Variants in MYO1H observed in about 807,000 individuals in gnomAD.
MYO1H encodes unconventional myosin-Ih.
A neutral mutation model predicts 149.3 loss-of-function variants in MYO1H; 118 were observed. The observed-to-expected ratio is 0.79, with a 90% confidence interval of 0.68 to 0.92. The LOEUF (loss-of-function observed/expected upper bound fraction) is 0.92. MYO1H is among the 40% of genes least tolerant of loss of function. The pLI, the probability that MYO1H is intolerant of heterozygous loss-of-function variation, is 0.00. For synonymous variants in MYO1H, 447 were observed against 465.2 expected, an observed-to-expected ratio of 0.96 and a Z score of 0.50; for missense variants, 1,212 against 1,280.7, an observed-to-expected ratio of 0.95 and a Z score of 0.82.
At chr12:109,446,441 CATTTAA>C in intron 31 of MYO1H, 2 of 985,386 alleles carry the variant, frequency 2.0e-6, no homozygotes, top group Non-Finnish European at 2.4e-6. Flanking sequence ...GTCTCATACA[CATTTAA>C]ATTTAAGTGG....
chr12:109,407,456 C>A (rs1239452463), intron 9 of MYO1H, among the ~76,000 whole-genome samples: 1 of 152,016 alleles, frequency 6.6e-6, no homozygotes, highest in Non-Finnish European at 1.5e-5. Context: ...AGCATGTATC[C>A]TTTGCCAGTC....
the MYO1H span, among the ~76,000 whole-genome samples, chr12:109,318,977 T>TTTTGTTTG: frequency 4.3e-5 from 6 of 138,174 alleles, no homozygotes; most frequent in African/African-American, 3.0e-5. Flanking sequence ...GTTTTGTTTT[T>TTTTGTTTG]TTTTTTTTTT....
At position 109,412,987 on chromosome 12, in the gene MYO1H, T is replaced by G. The variant is rs537127694; in HGVS notation, c.1502+1002T>G. Among the ~76,000 whole-genome samples the G allele has an allele frequency of 4.5e-3, 681 of 151,600 alleles. 4 individuals carry two copies. Among genetic ancestry groups the G allele is most frequent in the African/African-American group, 0.016 (644 of 41,244 alleles). ...GTTGTTGTTGTTGTTGTTGTTATTA[T>G]TATTATTTGAGACAGAGTCTTGCTC... On this transcript the variant is annotated intron_variant, in intron 14 of 31. Transcript: ENST00000310903.
chr12:109,358,682 C>G (rs149976372), intron 1 of MYO1H, among the ~76,000 whole-genome samples: 2 of 152,060 alleles, frequency 1.3e-5, no homozygotes, highest in African/African-American at 2.4e-5. Context: ...GCAAGCATCA[C>G]GAGATAGTGT....
chr12:109,443,172 G>GTATGTGTGTATATGTGTACGTA lies in MYO1H; in HGVS notation c.2689-310_2689-289dup, dbSNP rs1566045105. 2.1e-4 allele frequency among the ~76,000 whole-genome samples: 23 copies of GTATGTGTGTATATGTGTACGTA among 110,106 alleles called. 2 individuals carry two copies. The South Asian group carries it at 3.5e-3, about 17-fold the overall frequency. 72.2% of individuals were successfully genotyped at this position (110,106 alleles called of 152,430 possible). ...TACGTATGTGTGTGTATATGTGTAC[G>GTATGTGTGTATATGTGTACGTA]TATGTGTGTATATGTGTACGTATAT... is the stretch of plus-strand genomic sequence containing the variant. On this transcript the variant is annotated intron_variant, in intron 27 of 31. Coordinates refer to ENST00000310903, the Ensembl canonical transcript of MYO1H.
chr12:109,380,870 C>T (rs1472489591), intron 1 of MYO1H, among the ~76,000 whole-genome samples: 3 of 152,090 alleles, frequency 2.0e-5, no homozygotes, highest in Non-Finnish European at 2.9e-5. Flanking sequence ...CACTTGAACC[C>T]GGGAGGCAGA....
At chr12:109,313,261 A>G in the MYO1H span, among the ~76,000 whole-genome samples, 1 of 151,992 alleles carries the variant, frequency 6.6e-6, no homozygotes, top group African/African-American at 2.4e-5. Context: ...AAACAAACCA[A>G]AAAAAACCCC....
At chr12:109,442,054 A>G (rs1000179407) in intron 26 of MYO1H, among the ~76,000 whole-genome samples, 163 bp from the exon 27 acceptor site, 2 of 152,130 alleles carry the variant, frequency 1.3e-5, no homozygotes, top group South Asian at 4.1e-4. Context: ...CTCCAAAAAA[A>G]TAAGTCAAAG....
chr12:109,391,603 G>T (rs1869657279), intron 2 of MYO1H, among the ~76,000 whole-genome samples: 1 of 152,092 alleles, frequency 6.6e-6, no homozygotes, highest in Non-Finnish European at 1.5e-5. Context: ...TGGGTCAAAT[G>T]GTATTTCTGC....
At chr12:109,314,615 G>A in the MYO1H span, among the ~76,000 whole-genome samples, 2 of 151,992 alleles carry the variant, frequency 1.3e-5, no homozygotes, top group African/African-American at 4.8e-5. Context: ...GAGTGTTTCT[G>A]GACAAGTTAT....
At chr12:109,391,042 A>T (rs1005420267) in intron 2 of MYO1H, among the ~76,000 whole-genome samples, 1 of 152,168 alleles carries the variant, frequency 6.6e-6, no homozygotes, top group Non-Finnish European at 1.5e-5. Context: ...TTGTCCATTC[A>T]TGTGTAATAG....
At chr12:109,325,441 G>A in the MYO1H span, among the ~76,000 whole-genome samples, 3 of 152,140 alleles carry the variant, frequency 2.0e-5, no homozygotes. Context: ...AAATTAAGAT[G>A]ATTAAAGACT....
chr12:109,391,575 A>C (rs1045849063), intron 2 of MYO1H, among the ~76,000 whole-genome samples: 1 of 152,138 alleles, frequency 6.6e-6, no homozygotes, highest in Admixed American at 6.5e-5. Flanking sequence ...AGAATGATTT[A>C]TATTTCTTTG....
chr12:109,311,285 AAG>A, the MYO1H span, among the ~76,000 whole-genome samples: 1 of 152,160 alleles, frequency 6.6e-6, no homozygotes, highest in Non-Finnish European at 1.5e-5. Flanking sequence ...TCCCACTAAA[AAG>A]GAGTGGGGTG....
chr12:109,407,804 C>T lies in MYO1H; in HGVS notation c.1046C>T (p.Pro349Leu), dbSNP rs769756006. ...TGTCATTCTTTTCAGGTGATCTGCC[C>T]GTTGACACTAGAACTCTCTGTCTAC... is the stretch of plus-strand genomic sequence containing the variant. The change falls in exon 10 of 32, where the codon CCG becomes CTG. Residue 349 changes from proline to leucine, a missense_variant. Pro to Leu is a moderately conservative substitution (Grantham distance 98). Transcript: ENST00000310903. 14 of 1,613,532 alleles carry T rather than the reference C, an allele frequency of 8.7e-6. No individual in the cohort carries two copies. The East Asian group carries it at 8.9e-5, about 10-fold the overall frequency.
chr12:109,382,360 G>A (rs1271687740), intron 1 of MYO1H, among the ~76,000 whole-genome samples: 1 of 152,184 alleles, frequency 6.6e-6, no homozygotes. Flanking sequence ...CTACAAGACA[G>A]ATTGTCCAAT....
chr12:109,358,908 G>A (rs902417100), intron 1 of MYO1H, among the ~76,000 whole-genome samples: 2 of 147,762 alleles, frequency 1.4e-5, no homozygotes, highest in East Asian at 2.0e-4. Context: ...TTCCAATAGG[G>A]TTTTGGGCCT....
chr12:109,361,803 C>A (rs1410594477), intron 1 of MYO1H, among the ~76,000 whole-genome samples: 3 of 121,450 alleles, frequency 2.5e-5, no homozygotes, highest in African/African-American at 6.3e-5. Context: ...CAGAGCAAGA[C>A]CTTGTCTCAC....
rs1371078928 is a variant in MYO1H at position 109,406,466 on chromosome 12, TTAAAAAAAAA to T, written c.964-322_964-313del. Among the ~76,000 whole-genome samples the T allele has an allele frequency of 8.9e-4, 91 of 101,728 alleles. 1 individual carries two copies. The highest frequency in any genetic ancestry group is 2.4e-3 in the African/African-American group (70 of 28,596). 66.7% of individuals were successfully genotyped at this position (101,728 alleles called of 152,430 possible). A position where few individuals can be genotyped will look rare whatever the true frequency, so the allele number is the denominator to read the frequency against. On this transcript the variant is annotated intron_variant, in intron 8 of 31. Transcript: ENST00000310903. ...GGGCAACATAGTGAGACCCTATCTC[TTAAAAAAAAA>T]AAAAAAAAAAAAAAAAAAAAAAAAT...
Sources: allele counts gnomAD v4.1 joint callset (sites outside exome capture counted in the v4.1 genomes callset), GRCh38; gene constraint gnomAD v4.1.1; transcripts MANE v1.5; gene names NCBI Gene and HGNC (gene_info 2026-07-23, HGNC 2026-07-21).